Variants in CDH18 observed in about 807,000 individuals in gnomAD.
The protein encoded by CDH18 is cadherin 18.
A neutral mutation model predicts 67.9 loss-of-function variants in CDH18; 31 were observed. The observed-to-expected ratio is 0.46, with a 90% CI of 0.34 to 0.62. The LOEUF (loss-of-function observed/expected upper bound fraction) is 0.62, where lower values mean the gene tolerates loss of function less well. Ranked by LOEUF, CDH18 falls within the 20% of genes least tolerant of loss-of-function variation. The pLI, the probability that CDH18 is intolerant of heterozygous loss-of-function variation, is 0.01. For missense variants in CDH18, 890 were observed against 975.5 expected, an observed-to-expected ratio of 0.91 and a Z score of 1.17; for synonymous variants, 362 against 347.2, an observed-to-expected ratio of 1.04 and a Z score of -0.48.
intron 3 of CDH18, among the ~76,000 whole-genome samples, chr5:19,787,416 C>T (rs1010991651): frequency 4.6e-5 from 7 of 151,080 alleles, no homozygotes; most frequent in Admixed American, 2.0e-4. Context: ...CACACCATTG[C>T]AATCCAGCCT....
At chr5:20,179,795 C>G (rs890472553) in intron 2 of CDH18, among the ~76,000 whole-genome samples, 2 of 152,030 alleles carry the variant, frequency 1.3e-5, no homozygotes, top group African/African-American at 4.8e-5. Context: ...CTGTAGCTCT[C>G]AATAATTGGC....
At chr5:20,063,877 G>C (rs527551016) in intron 2 of CDH18, among the ~76,000 whole-genome samples, 1 of 152,258 alleles carries the variant, frequency 6.6e-6, no homozygotes, top group Non-Finnish European at 1.5e-5. Flanking sequence ...ACACTCGTCT[G>C]TCTTCACAAT....
intron 3 of CDH18, among the ~76,000 whole-genome samples, chr5:19,831,162 C>T (rs1024370183): frequency 6.6e-6 from 1 of 151,958 alleles, no homozygotes; most frequent in Non-Finnish European, 1.5e-5. Flanking sequence ...TATAACAAAC[C>T]TAAAATAAAA....
intron 1 of CDH18, among the ~76,000 whole-genome samples, chr5:20,494,834 T>A (rs66514951): frequency 0.15 from 23,310 of 151,830 alleles, 2,407 homozygotes; most frequent in Non-Finnish European, 0.23. Flanking sequence ...TACCAAGAAG[T>A]AGCGGAGGAA....
At chr5:20,304,156 T>A in intron 1 of CDH18, 1 of 1,557,906 alleles carries the variant, frequency 6.4e-7, no homozygotes, top group East Asian at 2.2e-5. Context: ...CGTCAATTGG[T>A]GGATTTGGAA....
intron 1 of CDH18, among the ~76,000 whole-genome samples, chr5:20,477,473 G>A (rs1752519183): frequency 6.6e-6 from 1 of 152,212 alleles, no homozygotes; most frequent in Non-Finnish European, 1.5e-5. Context: ...TGTGTTTGTA[G>A]GAGAAAGAGC....
chr5:20,145,982 A>G (rs1392609778), intron 2 of CDH18, among the ~76,000 whole-genome samples: 1 of 152,158 alleles, frequency 6.6e-6, no homozygotes, highest in East Asian at 1.9e-4. Flanking sequence ...GAATGCTGCT[A>G]CTTGAACACT....
intron 8 of CDH18, among the ~76,000 whole-genome samples, chr5:19,557,969 T>C (rs911858842): frequency 2.6e-5 from 4 of 151,986 alleles, no homozygotes; most frequent in Admixed American, 2.0e-4. Context: ...TGGAATAAAA[T>C]TGAAAATCAA....
intron 1 of CDH18, among the ~76,000 whole-genome samples, chr5:20,434,241 G>A (rs978874098): frequency 6.6e-6 from 1 of 151,878 alleles, no homozygotes; most frequent in Non-Finnish European, 1.5e-5. Context: ...GTTAAATCAG[G>A]GAATTAAAAA....
intron 1 of CDH18, among the ~76,000 whole-genome samples, chr5:20,437,237 C>T (rs1441931648): frequency 4.0e-5 from 6 of 151,076 alleles, no homozygotes; most frequent in African/African-American, 1.5e-4. Flanking sequence ...ATTGCCTTGC[C>T]TTATATACCT....
chr5:20,240,215 T>C (rs1742791671), intron 2 of CDH18, among the ~76,000 whole-genome samples: 2 of 151,828 alleles, frequency 1.3e-5, no homozygotes, highest in South Asian at 4.1e-4. Flanking sequence ...AAAACAATAG[T>C]GGATATCCAA....
At chr5:19,545,097 C>T (rs1165686584) in intron 8 of CDH18, among the ~76,000 whole-genome samples, 1 of 152,126 alleles carries the variant, frequency 6.6e-6, no homozygotes, top group Non-Finnish European at 1.5e-5. Context: ...CAGACTATTT[C>T]TTCAACTATT....
At chr5:19,543,803 A>T in intron 9 of CDH18, 66 bp downstream of exon 9, 1 of 1,210,238 alleles carries the variant, frequency 8.3e-7, no homozygotes, top group Middle Eastern at 2.2e-4. Flanking sequence ...CCCTGCTCTT[A>T]AGGAAATTTC....
intron 1 of CDH18, among the ~76,000 whole-genome samples, chr5:20,286,084 G>T (rs942719063): frequency 2.0e-5 from 3 of 151,404 alleles, no homozygotes; most frequent in Non-Finnish European, 4.4e-5. Context: ...TTATGCTACG[G>T]AGAGAACAAA....
At chr5:19,905,605 A>T (rs1790445128) in intron 2 of CDH18, among the ~76,000 whole-genome samples, 1 of 152,000 alleles carries the variant, frequency 6.6e-6, no homozygotes, top group Admixed American at 6.6e-5. Flanking sequence ...AATTACAGGT[A>T]AGCTAAAAAA....
At chr5:19,785,052 T>C (rs1427172996) in intron 3 of CDH18, among the ~76,000 whole-genome samples, 6 of 152,132 alleles carry the variant, frequency 3.9e-5, no homozygotes, top group African/African-American at 9.7e-5. Context: ...CTCTCTGTAA[T>C]ATATAAAACC....
intron 7 of CDH18, 98 bp from the exon 8 acceptor site, chr5:19,571,930 T>A: frequency 2.1e-6 from 2 of 935,780 alleles, no homozygotes; most frequent in Non-Finnish European, 3.2e-6. Context: ...CTTTTTAGAA[T>A]AAAATAATTG....
At chr5:19,944,921 T>C (rs1464860123) in intron 2 of CDH18, among the ~76,000 whole-genome samples, 1 of 152,106 alleles carries the variant, frequency 6.6e-6, no homozygotes, top group Non-Finnish European at 1.5e-5. Flanking sequence ...TACATTTGAA[T>C]TGGGCACCAG....
At chr5:20,025,927 T>G (rs1260246288) in intron 2 of CDH18, among the ~76,000 whole-genome samples, 2 of 152,226 alleles carry the variant, frequency 1.3e-5, no homozygotes, top group Non-Finnish European at 2.9e-5. Flanking sequence ...AACCTGTGCT[T>G]GGAAATATGT....
Sources: gnomAD v4.1 joint callset for allele counts (sites outside exome capture counted in the v4.1 genomes callset) on GRCh38, gnomAD v4.1.1 for gene constraint, MANE v1.5 for transcripts, NCBI Gene and HGNC (gene_info 2026-07-23, HGNC 2026-07-21) for gene names.